Variants in NRG2 observed in about 807,000 individuals in gnomAD.
NRG2 encodes the protein pro-neuregulin-2, membrane-bound isoform.
NRG2 carries 27 observed loss-of-function variants against 73.9 expected under a neutral mutation model. The observed-to-expected ratio is 0.37, with a 90% CI of 0.27 to 0.50. NRG2 has a LOEUF of 0.50. Ranked by LOEUF, NRG2 falls within the 20% of genes least tolerant of loss-of-function variation. The probability of loss-of-function intolerance (pLI) is 0.96; values close to 1 mark genes in which losing one functional copy is unlikely to be tolerated. For missense variants in NRG2, 1,126 were observed against 1,210.1 expected (o/e 0.93, Z 1.03); for synonymous variants, 532 against 541.0 (o/e 0.98, Z 0.23).
chr5:139,876,802 C>T (rs760593224), intron 3 of NRG2, among the ~76,000 whole-genome samples: 12 of 152,016 alleles, frequency 7.9e-5, no homozygotes, highest in Non-Finnish European at 1.5e-4. Flanking sequence ...TTTTAGAGTT[C>T]GGGTTTTAGT....
chr5:139,902,119 C>T (rs1348639898), intron 1 of NRG2, among the ~76,000 whole-genome samples: 1 of 152,234 alleles, frequency 6.6e-6, no homozygotes, highest in African/African-American at 2.4e-5. Context: ...TGTGCCATTC[C>T]ACTATACCAT....
intron 1 of NRG2, among the ~76,000 whole-genome samples, chr5:140,037,705 C>T (rs1178077599): frequency 1.3e-5 from 2 of 151,868 alleles, no homozygotes; most frequent in African/African-American, 2.4e-5. Flanking sequence ...GTCAGGAGTT[C>T]GAGGCCAGCC....
chr5:139,940,999 A>G (rs1753354339), intron 1 of NRG2, among the ~76,000 whole-genome samples: 1 of 152,276 alleles, frequency 6.6e-6, no homozygotes, highest in Non-Finnish European at 1.5e-5. Flanking sequence ...TAGCCAACAG[A>G]AGTAGGGAAG....
intron 1 of NRG2, among the ~76,000 whole-genome samples, chr5:139,977,334 T>C (rs1756452980): frequency 6.6e-6 from 1 of 152,196 alleles, no homozygotes; most frequent in Non-Finnish European, 1.5e-5. Flanking sequence ...TTATGAACCA[T>C]GTCCCTAAGA....
At chr5:140,002,907 T>C (rs974499539) in intron 1 of NRG2, among the ~76,000 whole-genome samples, 1 of 152,172 alleles carries the variant, frequency 6.6e-6, no homozygotes, top group African/African-American at 2.4e-5. Flanking sequence ...GAAGGTAGAA[T>C]GTACAGGATT....
chr5:139,953,071 C>A (rs1049870257), intron 1 of NRG2, among the ~76,000 whole-genome samples: 5 of 152,180 alleles, frequency 3.3e-5, no homozygotes, highest in African/African-American at 1.2e-4. Context: ...AGCAAGGCCT[C>A]AAGAATTGTC....
chr5:139,921,325 C>T (rs1418354952), intron 1 of NRG2, among the ~76,000 whole-genome samples: 3 of 152,192 alleles, frequency 2.0e-5, no homozygotes, highest in Admixed American at 6.5e-5. Flanking sequence ...AGAAGACTTA[C>T]ACTGCCTGAC....
Position 140,042,787 on chromosome 5 carries a change from G to A in NRG2, c.283C>T (p.Arg95Cys). Residue 95 changes from arginine (R) to cysteine (C), a missense_variant, in exon 1 of 10, where the codon CGC becomes TGC. Transcript: ENST00000361474. ...SRAAAAGGMR[R>C]DPAPGFSMLL... ...ATGGAGAAGCCGGGGGCCGGGTCGC[G>A]CCTCATGCCGCCGGCGGCTGCGGCT... 4 of 1,516,548 alleles carry A rather than the reference G, an allele frequency of 2.6e-6. No homozygotes were observed. The highest frequency in any genetic ancestry group is 2.6e-5 in the East Asian group (1 of 38,084). The allele number at this position is 1,516,548 out of a possible 1,614,324, so 93.9% of individuals were successfully genotyped here. A position where few individuals can be genotyped will look rare whatever the true frequency, so the allele number is the denominator to read the frequency against.
At chr5:140,009,627 G>A (rs891231800) in intron 1 of NRG2, among the ~76,000 whole-genome samples, 1 of 152,212 alleles carries the variant, frequency 6.6e-6, no homozygotes, top group Non-Finnish European at 1.5e-5. Context: ...AACAATGAAT[G>A]AGAGGATGTC....
chr5:140,020,430 G>A (rs11948342), intron 1 of NRG2, among the ~76,000 whole-genome samples: 1,948 of 152,236 alleles, frequency 0.013, 34 homozygotes, highest in African/African-American at 0.044. Flanking sequence ...AAAGCCCAAT[G>A]CAGTCAAACC....
At position 139,851,802 on chromosome 5, in the gene NRG2, C is replaced by T. The variant is rs186915407; in HGVS notation, c.1574G>A (p.Arg525His). Residue 525 changes from arginine (R) to histidine (H), a missense_variant, in exon 9 of 10, where the codon CGT (arginine) becomes CAT (histidine). This residue lies in a region of NRG2 where 539 missense variants were observed against 703.2 expected (regional missense o/e 0.77). Coordinates refer to ENST00000361474, the MANE Select transcript of NRG2 (RefSeq NM_004883.3). This position sits in a 1 kb window ranked among gnomAD's most constrained non-coding sequence, Gnocchi z 4.2. Reference sequence around the variant, plus strand: ...GGAGTCAGAAGTCAGGCTCTCAGAACGTTCCAGGCTCCACGTGTGGCTCTC... The same window carrying T: ...GGAGTCAGAAGTCAGGCTCTCAGAATGTTCCAGGCTCCACGTGTGGCTCTC... ...RHESHTWSLE[R>H]SESLTSDSQS... The T allele has an allele frequency of 1.4e-5, 23 of 1,614,202 alleles. No individual in the cohort carries two copies. The highest frequency in any genetic ancestry group is 1.1e-4 in the African/African-American group (8 of 75,054).
At chr5:139,873,029 G>A (rs1473724859) in intron 3 of NRG2, among the ~76,000 whole-genome samples, 2 of 152,170 alleles carry the variant, frequency 1.3e-5, no homozygotes, top group African/African-American at 2.4e-5. Flanking sequence ...AGTAATAGGG[G>A]TGGAAGTGAG....
chr5:139,913,988 A>G (rs1334371689), intron 1 of NRG2, among the ~76,000 whole-genome samples: 2 of 151,164 alleles, frequency 1.3e-5, no homozygotes, highest in African/African-American at 4.9e-5. Flanking sequence ...CTCTGTCTCT[A>G]CAAAAAAATA....
chr5:140,041,958 T>C (rs1465240155), intron 1 of NRG2, among the ~76,000 whole-genome samples: 1 of 151,946 alleles, frequency 6.6e-6, no homozygotes, highest in Non-Finnish European at 1.5e-5. Context: ...CCTGCCAGCC[T>C]GGGCACGGCA....
At chr5:140,019,997 T>A (rs1760097180) in intron 1 of NRG2, among the ~76,000 whole-genome samples, 1 of 152,112 alleles carries the variant, frequency 6.6e-6, no homozygotes, top group Admixed American at 6.5e-5. Flanking sequence ...CAGATGTCCA[T>A]CCGCCTCAGC....
chr5:139,874,763 C>T (rs1319546244), intron 3 of NRG2, among the ~76,000 whole-genome samples: 1 of 152,240 alleles, frequency 6.6e-6, no homozygotes, highest in Non-Finnish European at 1.5e-5. Context: ...ATCTGGGCTT[C>T]ACCACCTCTC....
In NRG2 at chr5:139,904,989, G is replaced by A. The variant is rs1042143060; in HGVS notation, c.701-17478C>T. On this transcript the variant is annotated intron_variant, in intron 1 of 9. Coordinates refer to ENST00000361474, the MANE Select transcript of NRG2 (RefSeq NM_004883.3). The surrounding 1 kb of genome is among the most constrained non-coding windows in gnomAD (Gnocchi z 6.0). ...AGCCCCGTGGGATACCGCCATCTGG[G>A]GAACACCTTTAATGCAACCACCATT... Among the ~76,000 whole-genome samples the A allele has an allele frequency of 4.6e-5, 7 of 152,310 alleles. No homozygotes were observed. The highest frequency in any genetic ancestry group is 4.1e-4 in the South Asian group (2 of 4,828).
chr5:139,941,959 A>T (rs1361886478), intron 1 of NRG2, among the ~76,000 whole-genome samples: 2 of 152,208 alleles, frequency 1.3e-5, no homozygotes, highest in Non-Finnish European at 2.9e-5. Context: ...ACAAATAAGC[A>T]TTGTTTTACC....
intron 1 of NRG2, among the ~76,000 whole-genome samples, chr5:139,960,506 C>T (rs1754981636): frequency 6.6e-6 from 1 of 152,110 alleles, no homozygotes; most frequent in Non-Finnish European, 1.5e-5. Flanking sequence ...CAGCGAGACT[C>T]CATCTCAAAA....
Sources: allele counts gnomAD v4.1 joint callset (sites outside exome capture counted in the v4.1 genomes callset), GRCh38; gene constraint gnomAD v4.1.1; regional missense constraint gnomAD v4.1.1; non-coding constraint Gnocchi (gnomAD v3.1); transcripts MANE v1.5; gene names NCBI Gene and HGNC (gene_info 2026-07-23, HGNC 2026-07-21).